Variants in EYS observed in about 807,000 individuals in gnomAD.
EYS encodes the protein EGF-like photoreceptor maintenance factor.
A neutral mutation model predicts 282.1 loss-of-function variants in EYS; 250 were observed. The observed-to-expected ratio is 0.89, with a 90% CI of 0.80 to 0.98. The LOEUF (loss-of-function observed/expected upper bound fraction) is 0.98. Among genes scored for constraint, EYS ranks in the 50% least tolerant of loss-of-function variants. EYS has a pLI of 0.00. For missense variants in EYS, 4,016 were observed against 3,709.0 expected, an observed-to-expected ratio of 1.08 and a Z score of -2.15; for synonymous variants, 1,355 against 1,282.9, an observed-to-expected ratio of 1.06 and a Z score of -1.20.
At chr6:64,449,215 G>A (rs1418562865) in intron 26 of EYS, among the ~76,000 whole-genome samples, 1 of 152,138 alleles carries the variant, frequency 6.6e-6, no homozygotes, top group South Asian at 2.1e-4. Context: ...GAATGCACAA[G>A]CCTCAGTAAC....
At chr6:65,297,085 TAA>T (rs1421600473) in intron 11 of EYS, among the ~76,000 whole-genome samples, 5 of 151,508 alleles carry the variant, frequency 3.3e-5, no homozygotes, top group Admixed American at 6.6e-5. Flanking sequence ...GGCATAGTTA[TAA>T]GTTATTAATA....
intron 22 of EYS, among the ~76,000 whole-genome samples, chr6:64,774,632 A>C (rs1187240985): frequency 6.6e-6 from 1 of 151,924 alleles, no homozygotes; most frequent in Non-Finnish European, 1.5e-5. Flanking sequence ...TGTTATGTAT[A>C]AATTATAGTT....
chr6:64,236,786 T>A (rs1039909854), intron 30 of EYS, among the ~76,000 whole-genome samples: 1 of 151,058 alleles, frequency 6.6e-6, no homozygotes, highest in African/African-American at 2.4e-5. Context: ...ATCTTTTATT[T>A]TTATATATGT....
intron 22 of EYS, among the ~76,000 whole-genome samples, chr6:64,735,509 A>G (rs899055690): frequency 6.6e-6 from 1 of 152,214 alleles, no homozygotes; most frequent in Admixed American, 6.5e-5. Context: ...CATGAGAAGA[A>G]AAAACACAAA....
intron 40 of EYS, 107 bp from the exon 41 acceptor site, chr6:63,762,740 G>A (rs965875084): frequency 2.8e-6 from 3 of 1,055,850 alleles, no homozygotes; most frequent in Non-Finnish European, 4.0e-6. Context: ...AGTTCCAAGA[G>A]ATCAAAATGA....
At chr6:63,867,095 TAGCAAAAGGC>T (rs906165188) in intron 35 of EYS, among the ~76,000 whole-genome samples, 8 of 152,166 alleles carry the variant, frequency 5.3e-5, no homozygotes, top group Non-Finnish European at 8.8e-5. Flanking sequence ...CTACATCTTG[TAGCAAAAGGC>T]AGTGTTGACC....
intron 13 of EYS, among the ~76,000 whole-genome samples, chr6:65,007,394 T>C (rs1771711690): frequency 6.6e-6 from 1 of 152,202 alleles, no homozygotes; most frequent in Non-Finnish European, 1.5e-5. Flanking sequence ...TATATTCTTC[T>C]GCAGTACCGC....
At chr6:64,940,130 C>T (rs998566614) in intron 15 of EYS, among the ~76,000 whole-genome samples, 3 of 152,040 alleles carry the variant, frequency 2.0e-5, no homozygotes, top group Admixed American at 6.6e-5. Context: ...CAAAGACCCA[C>T]TCTTTGAAAC....
At chr6:65,178,342 C>T (rs1765280686) in intron 12 of EYS, among the ~76,000 whole-genome samples, 1 of 151,888 alleles carries the variant, frequency 6.6e-6, no homozygotes, top group African/African-American at 2.4e-5. Context: ...GGGTAAATTC[C>T]TTTACTACCC....
chr6:65,482,260 TA>T (rs1765635727), intron 5 of EYS, among the ~76,000 whole-genome samples: 1 of 152,186 alleles, frequency 6.6e-6, no homozygotes, highest in African/African-American at 2.4e-5. Flanking sequence ...TTTACATTAT[TA>T]AATGTGTTAA....
chr6:64,091,030 T>C (rs1772340656), intron 31 of EYS, among the ~76,000 whole-genome samples: 1 of 152,222 alleles, frequency 6.6e-6, no homozygotes, highest in Admixed American at 6.5e-5. Flanking sequence ...AGACTGTTCT[T>C]AACTCACCTT....
intron 12 of EYS, among the ~76,000 whole-genome samples, chr6:65,256,226 T>G (rs1767457280): frequency 6.6e-6 from 1 of 151,828 alleles, no homozygotes; most frequent in Non-Finnish European, 1.5e-5. Flanking sequence ...GGTCATAATG[T>G]TAAATGAAAT....
At chr6:65,662,127 G>A (rs528787207) in intron 1 of EYS, among the ~76,000 whole-genome samples, 10 of 151,222 alleles carry the variant, frequency 6.6e-5, no homozygotes, top group Admixed American at 1.3e-4. Flanking sequence ...TAAGGTTAAG[G>A]ATAAAAAAAA....
chr6:64,857,481 T>G (rs1766101804), intron 19 of EYS, among the ~76,000 whole-genome samples: 1 of 152,206 alleles, frequency 6.6e-6, no homozygotes, highest in Admixed American at 6.5e-5. Context: ...GTACAGCACA[T>G]TTTCTTTATC....
intron 11 of EYS, chr6:65,331,553 C>A (rs1378590899): frequency 1.0e-6 from 1 of 965,074 alleles, no homozygotes; most frequent in Non-Finnish European, 1.2e-6. Context: ...ATCAAGAACT[C>A]ATTAAAGTGT....
At chr6:64,210,192 G>A (rs1308747588) in intron 31 of EYS, among the ~76,000 whole-genome samples, 1 of 152,048 alleles carries the variant, frequency 6.6e-6, no homozygotes, top group South Asian at 2.1e-4. Context: ...ATGGAAAATC[G>A]ATCATTAGCA....
In EYS at chr6:64,887,501, A is replaced by G. The variant is rs141437767; in HGVS notation, c.2847-659T>C. 3.7e-4 allele frequency among the ~76,000 whole-genome samples: 56 copies of G among 152,210 alleles called. 3 individuals carry two copies. In the East Asian group the frequency reaches 0.01, roughly 27 times the overall value. On this transcript the variant is annotated intron_variant, in intron 18 of 42. Transcript: ENST00000503581. ...TTAAACTGATCGAAACTGTATACTT[A>G]GCAAAAATATCTCTTCATAGTTTTT...
intron 35 of EYS, among the ~76,000 whole-genome samples, chr6:63,909,729 A>G (rs1353487386): frequency 6.6e-6 from 1 of 152,188 alleles, no homozygotes; most frequent in East Asian, 1.9e-4. Flanking sequence ...GTGCATGTTA[A>G]AATTAACTGG....
At position 64,639,241 on chromosome 6, in the gene EYS, T is replaced by TTACC. The variant is rs1186984369; in HGVS notation, c.3444-13000_3444-12997dup. On this transcript the variant is annotated intron_variant, in intron 22 of 42. Transcript: ENST00000503581. ...CCTCATTTTACCTAACTTACCTTAA[T>TTACC]TACCTCTTTAAGAGACCTGTCTCCA... is the stretch of plus-strand genomic sequence containing the variant. 6.6e-5 allele frequency among the ~76,000 whole-genome samples: 6 copies of TTACC among 90,644 alleles called. 1 individual carries two copies. Among genetic ancestry groups the TTACC allele is most frequent in the African/African-American group, 2.6e-4 (6 of 23,300 alleles). 59.5% of individuals were successfully genotyped at this position (90,644 alleles called of 152,430 possible).
Sources: allele counts gnomAD v4.1 joint callset (sites outside exome capture counted in the v4.1 genomes callset), GRCh38; gene constraint gnomAD v4.1.1; transcripts MANE v1.5; gene names NCBI Gene and HGNC (gene_info 2026-07-23, HGNC 2026-07-21).